Variants in CLYBL observed in about 807,000 individuals in gnomAD.
CLYBL encodes the protein citramalyl-CoA lyase, mitochondrial.
A neutral mutation model predicts 38.9 loss-of-function variants in CLYBL; 31 were observed. That is an observed-to-expected ratio of 0.80 (90% CI 0.60 to 1.08). The LOEUF is 1.08. CLYBL is among the 50% of genes least tolerant of loss of function. The pLI is 0.00. For missense variants in CLYBL, 434 were observed against 411.6 expected, an observed-to-expected ratio of 1.05 and a Z score of -0.47; for synonymous variants, 171 against 158.6, an observed-to-expected ratio of 1.08 and a Z score of -0.59.
chr13:99,631,158 C>T (rs1403290562), intron 1 of CLYBL, among the ~76,000 whole-genome samples: 1 of 152,030 alleles, frequency 6.6e-6, no homozygotes, highest in Non-Finnish European at 1.5e-5. Context: ...CCCGTCTCCA[C>T]AAAAAATAGA....
chr13:99,647,005 C>A (rs1458630925), intron 1 of CLYBL, among the ~76,000 whole-genome samples: 1 of 152,124 alleles, frequency 6.6e-6, no homozygotes, highest in East Asian at 1.9e-4. Context: ...TGCTGCTGGG[C>A]CCTCCGCACG....
chr13:99,870,900 G>A (rs778846456), intron 6 of CLYBL, 38 bp from the exon 7 acceptor site: 17 of 1,564,198 alleles, frequency 1.1e-5, no homozygotes, highest in South Asian at 3.7e-5. Flanking sequence ...ACATCTGTTC[G>A]TTGTTTCGTG....
At chr13:99,747,620 C>T (rs2048876740) in intron 1 of CLYBL, among the ~76,000 whole-genome samples, 1 of 152,144 alleles carries the variant, frequency 6.6e-6, no homozygotes, top group African/African-American at 2.4e-5. Context: ...CATGAATGGT[C>T]ACCACAGTGG....
chr13:99,692,986 G>A (rs2047930347), intron 1 of CLYBL, among the ~76,000 whole-genome samples: 1 of 152,040 alleles, frequency 6.6e-6, no homozygotes, highest in Admixed American at 6.6e-5. Context: ...ATATTTTTTG[G>A]GGGATATCCA....
intron 1 of CLYBL, among the ~76,000 whole-genome samples, chr13:99,733,489 G>A (rs1473217265): frequency 6.6e-6 from 1 of 152,026 alleles, no homozygotes; most frequent in Non-Finnish European, 1.5e-5. Context: ...TTTTTATCTT[G>A]TGCACCACCA....
chr13:99,672,792 A>G (rs923235376), intron 1 of CLYBL, among the ~76,000 whole-genome samples: 3 of 152,114 alleles, frequency 2.0e-5, no homozygotes, highest in African/African-American at 4.8e-5. Context: ...TTAAACAGCA[A>G]CAATAACATT....
intron 1 of CLYBL, among the ~76,000 whole-genome samples, chr13:99,721,053 T>TG (rs1281346386): frequency 6.6e-6 from 1 of 151,850 alleles, no homozygotes; most frequent in African/African-American, 2.4e-5. Flanking sequence ...TTTTTTTTTT[T>TG]TCTTTTTGAA....
chr13:99,656,707 T>C (rs2047335701), intron 1 of CLYBL, among the ~76,000 whole-genome samples: 1 of 152,202 alleles, frequency 6.6e-6, no homozygotes, highest in South Asian at 2.1e-4. Flanking sequence ...AAAGGATTAA[T>C]AGGTAACAAA....
intron 1 of CLYBL, among the ~76,000 whole-genome samples, chr13:99,660,883 C>T (rs541326416): frequency 1.3e-5 from 2 of 152,204 alleles, no homozygotes; most frequent in South Asian, 4.2e-4. Flanking sequence ...GAAGTCACAT[C>T]TAGAATGCTT....
In CLYBL at chr13:99,838,214, C is replaced by A. The variant is rs116538230; in HGVS notation, c.250-20647C>A. ...CTTTTATATTTAAAACTAAGGGATA[C>A]TCAAAACATTAGATATTTTGCATTT... is the stretch of plus-strand genomic sequence containing the variant. On this transcript the variant is annotated intron_variant, in intron 2 of 8. Coordinates refer to ENST00000339105, the MANE Select transcript of CLYBL (RefSeq NM_206808.5). Among the ~76,000 whole-genome samples, 323 of 152,202 alleles carry A rather than the reference C, an allele frequency of 2.1e-3. 1 individual carries two copies. The highest frequency in any genetic ancestry group is 7.4e-3 in the African/African-American group (306 of 41,524).
intron 1 of CLYBL, among the ~76,000 whole-genome samples, chr13:99,608,845 G>A (rs1432587992): frequency 1.3e-5 from 1 of 77,064 alleles, no homozygotes; most frequent in Non-Finnish European, 2.3e-5. Context: ...TAAGTGATGA[G>A]TCTTTTTTTT....
intron 2 of CLYBL, among the ~76,000 whole-genome samples, chr13:99,818,589 C>G (rs946904216): frequency 6.6e-6 from 1 of 152,200 alleles, no homozygotes; most frequent in Non-Finnish European, 1.5e-5. Flanking sequence ...GTTACAACAA[C>G]TCATACTGCT....
chr13:99,728,216 C>G (rs2048513858), intron 1 of CLYBL, among the ~76,000 whole-genome samples: 1 of 152,000 alleles, frequency 6.6e-6, no homozygotes. Flanking sequence ...TACTGGCCCC[C>G]TCCCCCAATA....
chr13:99,744,609 A>T (rs1243002173), intron 1 of CLYBL, among the ~76,000 whole-genome samples: 1 of 152,178 alleles, frequency 6.6e-6, no homozygotes, highest in Non-Finnish European at 1.5e-5. Flanking sequence ...GCCTAATCCA[A>T]GTTAAGTGAC....
At chr13:99,764,643 C>T (rs550112493) in intron 1 of CLYBL, among the ~76,000 whole-genome samples, 80 of 151,798 alleles carry the variant, frequency 5.3e-4, no homozygotes, top group African/African-American at 1.9e-3. Flanking sequence ...TCTTTTTTCT[C>T]GGTCTAACCA....
chr13:99,610,253 A>G (rs2046605709), intron 1 of CLYBL, among the ~76,000 whole-genome samples: 1 of 152,170 alleles, frequency 6.6e-6, no homozygotes, highest in East Asian at 1.9e-4. Flanking sequence ...CATACTTTAA[A>G]TAGATGATTT....
chr13:99,752,578 C>G (rs891114918), intron 1 of CLYBL, among the ~76,000 whole-genome samples: 4 of 152,098 alleles, frequency 2.6e-5, no homozygotes, highest in African/African-American at 9.7e-5. Flanking sequence ...GGCAGTCTGG[C>G]CAGGGTAAAC....
At chr13:99,770,110 C>T (rs1393761503) in intron 1 of CLYBL, among the ~76,000 whole-genome samples, 5 of 137,090 alleles carry the variant, frequency 3.6e-5, no homozygotes, top group African/African-American at 8.1e-5. Flanking sequence ...GATGGAGTCT[C>T]GCTCTTGTCG....
chr13:99,728,053 G>A (rs2048510571), intron 1 of CLYBL, among the ~76,000 whole-genome samples: 1 of 152,028 alleles, frequency 6.6e-6, no homozygotes, highest in Non-Finnish European at 1.5e-5. Flanking sequence ...ATGTCAGCCT[G>A]GGCAACAGAG....
Sources: gnomAD v4.1 joint callset for allele counts (sites outside exome capture counted in the v4.1 genomes callset) on GRCh38, gnomAD v4.1.1 for gene constraint, MANE v1.5 for transcripts, NCBI Gene and HGNC (gene_info 2026-07-23, HGNC 2026-07-21) for gene names.